PCDHA3: variants seen among roughly 807,000 people sequenced by gnomAD.
PCDHA3 encodes protocadherin alpha-3.
In PCDHA3, 41 loss-of-function variants were observed where a neutral mutation model predicts 62.2. The ratio of observed to expected loss-of-function variants is 0.66; its 90% CI spans 0.51 to 0.86. The LOEUF (loss-of-function observed/expected upper bound fraction) is 0.86. PCDHA3 is among the 40% of genes least tolerant of loss of function. The pLI is 0.00. For synonymous variants in PCDHA3, 640 were observed against 555.4 expected (o/e 1.15, Z -2.14); for missense variants, 1,304 against 1,241.2 (o/e 1.05, Z -0.76).
In PCDHA3 at chr5:140,803,485, G is replaced by A. The variant is rs1562194526; in HGVS notation, c.2288G>A (p.Gly763Glu). The A allele has an allele frequency of 3.7e-6, 6 of 1,614,220 alleles. No homozygotes were observed. The highest frequency in any genetic ancestry group is 1.6e-4 in the Middle Eastern group (1 of 6,062). The stretch of plus-strand genomic sequence containing the variant: ...CAGCAGAGGGTGTGCTCTGGAGAGG[G>A]GTTGCCCAAGACCGACCTCATGGCT... ...QRQQRVCSGE[G>E]LPKTDLMAFS... is the part of the protein sequence containing the mutation. Residue 763 changes from glycine (G) to glutamate (E), a missense_variant, in exon 1 of 4, where the codon GGG (glycine) becomes GAG (glutamate). Physicochemically the swap from Gly to Glu is moderately conservative, Grantham distance 98. Coordinates refer to ENST00000522353, the MANE Select transcript of PCDHA3 (RefSeq NM_018906.3).
rs1206653490 is a variant in PCDHA3, at chr5:140,802,950, G to T, written c.1753G>T (p.Val585Leu). The change falls in exon 1 of 4, where the codon GTG (valine) becomes TTG (leucine). Residue 585 changes from valine (V) to leucine (L), a missense_variant. Physicochemically the swap from Val to Leu is conservative, Grantham distance 32 (BLOSUM62 1). Coordinates refer to ENST00000522353, the MANE Select transcript of PCDHA3 (RefSeq NM_018906.3). ...AGTGAGCGAGCTGGTGCCGCGGTCA[G>T]TGGGTGCGGGCCACGTGGTAGCGAA... The part of the protein sequence containing the change: ...GAVSELVPRS[V>L]GAGHVVAKVR... The T allele has an allele frequency of 4.5e-5, 73 of 1,613,808 alleles. No homozygotes were observed. Among genetic ancestry groups the T allele is most frequent in the Non-Finnish European group, 6.0e-5 (71 of 1,179,906 alleles).
chr5:140,968,121 T>C (rs1554230356), intron 1 of PCDHA3: 2 of 1,614,180 alleles, frequency 1.2e-6, no homozygotes, highest in Non-Finnish European at 1.7e-6. Flanking sequence ...CTCACATCCC[T>C]GCGTACACTG....
intron 1 of PCDHA3, chr5:140,875,321 TC>T: frequency 1.4e-6 from 2 of 1,427,980 alleles, no homozygotes; most frequent in Non-Finnish European, 1.8e-6. Context: ...TTCCAATCAT[TC>T]ACGGAATAGG....
chr5:140,911,455 C>G (rs1266220741), intron 1 of PCDHA3, among the ~76,000 whole-genome samples: 3 of 152,132 alleles, frequency 2.0e-5, no homozygotes, highest in African/African-American at 7.2e-5. Flanking sequence ...AGCTCTTTCT[C>G]TACAGGAGAT....
At chr5:140,881,224 A>G (rs1254771945) in intron 1 of PCDHA3, 1 of 264,386 alleles carries the variant, frequency 3.8e-6, no homozygotes, top group Non-Finnish European at 5.9e-6. Context: ...TTCTTGGAAA[A>G]TTAAAGTCAA....
At chr5:140,901,713 A>G (rs1463520839) in intron 1 of PCDHA3, among the ~76,000 whole-genome samples, 1 of 151,994 alleles carries the variant, frequency 6.6e-6, no homozygotes, top group Non-Finnish European at 1.5e-5. Context: ...ACATTTTCAG[A>G]TTGTCTTTTC....
At chr5:140,804,527 CT>C (rs1458069805) in intron 1 of PCDHA3, 1 of 152,098 alleles carries the variant, frequency 6.6e-6, no homozygotes, top group Non-Finnish European at 1.5e-5. Context: ...ACTAGCAAAA[CT>C]TTTTATTCAT....
intron 1 of PCDHA3, among the ~76,000 whole-genome samples, chr5:140,886,840 A>G (rs1175023921): frequency 4.0e-5 from 6 of 151,546 alleles, no homozygotes; most frequent in South Asian, 2.1e-4. Context: ...AAAAAAAAAA[A>G]AAAAAAAGAA....
chr5:140,912,897 G>A (rs782442093), intron 1 of PCDHA3, among the ~76,000 whole-genome samples: 5 of 152,172 alleles, frequency 3.3e-5, no homozygotes, highest in Non-Finnish European at 5.9e-5. Context: ...TTGATATGAT[G>A]TATCATATTG....
rs1768065709 is a variant in PCDHA3, at chr5:140,824,260, AATTC to A, written c.2394+20672_2394+20675del. 3.0e-6 allele frequency: 4 copies of A among 1,322,828 alleles called. No individual in the cohort carries two copies. The African/African-American group carries it at 4.4e-5, about 14-fold the overall frequency. The allele number at this position is 1,322,828 out of a possible 1,614,324, so 81.9% of individuals were successfully genotyped here. On this transcript the variant is annotated intron_variant, in intron 1 of 3. Coordinates refer to ENST00000522353, the MANE Select transcript of PCDHA3 (RefSeq NM_018906.3). The stretch of plus-strand genomic sequence containing the variant: ...TATTGTGGTACACAATTATTGCACT[AATTC>A]ATGTATTATATGCTTTTTATGAGGC...
chr5:140,834,122 A>G (rs1171530396), intron 1 of PCDHA3: 1 of 434,976 alleles, frequency 2.3e-6, no homozygotes, highest in Non-Finnish European at 4.0e-6. Flanking sequence ...TTGAAATAAA[A>G]CTTTTCATCT....
rs572273107 is a variant in PCDHA3, at chr5:140,941,410, G to A, written c.2395-37539G>A. 1.3e-4 allele frequency among the ~76,000 whole-genome samples: 19 copies of A among 147,656 alleles called. 1 individual carries two copies. In the South Asian group the frequency reaches 3.3e-3, roughly 26 times the overall value. ...TGGCTCACTGCAACCTCCGCCTCCC[G>A]GGTTCAAGCAATTCTCTGCCTCAGC... On this transcript the variant is annotated intron_variant, in intron 1 of 3. Transcript: ENST00000522353.
intron 1 of PCDHA3, chr5:140,847,877 C>T (rs1305831915): frequency 6.7e-6 from 1 of 149,752 alleles, no homozygotes; most frequent in African/African-American, 2.4e-5. Flanking sequence ...CCAGACATGA[C>T]TAAGTTTCTT....
intron 1 of PCDHA3, among the ~76,000 whole-genome samples, chr5:140,913,386 T>C (rs1317540233): frequency 6.6e-6 from 1 of 152,228 alleles, no homozygotes; most frequent in Non-Finnish European, 1.5e-5. Context: ...TGGCTCATCA[T>C]AGCCACTAAT....
At chr5:140,946,631 T>TATATATACAC (rs57893927) in intron 1 of PCDHA3, among the ~76,000 whole-genome samples, 11,667 of 131,732 alleles carry the variant, frequency 0.089, 743 homozygotes, top group Middle Eastern at 0.14. Context: ...TATATATATA[T>TATATATACAC]ACAATGGAAT....
intron 1 of PCDHA3, chr5:140,808,151 G>A: frequency 6.2e-7 from 1 of 1,614,120 alleles, no homozygotes; most frequent in Non-Finnish European, 8.5e-7. Flanking sequence ...TATTGTAGAG[G>A]GCATTGATAA....
At chr5:140,892,666 A>G (rs2063614919) in intron 1 of PCDHA3, among the ~76,000 whole-genome samples, 1 of 152,170 alleles carries the variant, frequency 6.6e-6, no homozygotes, top group Admixed American at 6.6e-5. Flanking sequence ...TGACATTTTG[A>G]TACATATATA....
In PCDHA3 at chr5:140,801,407, A is replaced by C. The variant is rs1762701504; in HGVS notation, c.210A>C (p.Arg70Ser). ...GCCTGTTCCGGGTGGCGTCCAAAAG[A>C]CACGGGGACCTTCTGGAGGTAAATC... ...VPRLFRVASK[R>S]HGDLLEVNLQ... Residue 70 changes from arginine to serine, a missense_variant, in exon 1 of 4, where the codon AGA becomes AGC. By Grantham distance (110) the Arg-to-Ser change is moderately radical (BLOSUM62 -1). Coordinates refer to ENST00000522353, the MANE Select transcript of PCDHA3 (RefSeq NM_018906.3). The C allele has an allele frequency of 6.2e-7, 1 of 1,613,608 alleles. No individual in the cohort carries two copies. Among genetic ancestry groups the C allele is most frequent in the African/African-American group, 1.3e-5 (1 of 74,914 alleles).
At chr5:140,939,590 C>G (rs1385974524) in intron 1 of PCDHA3, among the ~76,000 whole-genome samples, 1 of 152,052 alleles carries the variant, frequency 6.6e-6, no homozygotes, top group African/African-American at 2.4e-5. Flanking sequence ...TTTTAACATA[C>G]CTTGCTCAAA....
Sources: gnomAD v4.1 joint callset for allele counts (sites outside exome capture counted in the v4.1 genomes callset) on GRCh38, gnomAD v4.1.1 for gene constraint, MANE v1.5 for transcripts, NCBI Gene and HGNC (gene_info 2026-07-23, HGNC 2026-07-21) for gene names.